GRIN3A: variants seen among roughly 807,000 people sequenced by gnomAD.
The protein encoded by GRIN3A is glutamate ionotropic receptor NMDA type subunit 3A, also known as glutamate receptor ionotropic, NMDA 3A.
GRIN3A carries 47 observed loss-of-function variants against 92.4 expected under a neutral mutation model. That is an observed-to-expected ratio of 0.51 (90% confidence interval 0.40 to 0.65). GRIN3A has a LOEUF of 0.65. GRIN3A is among the 30% of genes least tolerant of loss of function. The probability of loss-of-function intolerance (pLI) is 0.00; values close to 1 mark genes in which losing one functional copy is unlikely to be tolerated. For missense variants in GRIN3A, 1,324 were observed against 1,393.1 expected, an observed-to-expected ratio of 0.95 and a Z score of 0.79; for synonymous variants, 527 against 540.6, an observed-to-expected ratio of 0.97 and a Z score of 0.35.
chr9:101,590,392 A>ATTTT (rs1256564896), intron 6 of GRIN3A, among the ~76,000 whole-genome samples: 11 of 109,022 alleles, frequency 1.0e-4, no homozygotes, highest in Non-Finnish European at 1.8e-4. Context: ...TTATTTATTT[A>ATTTT]TTTTTTTGAG....
rs552316735 is a variant in GRIN3A at position 101,613,347 on chromosome 9, T to C, written c.2766+29A>G. The C allele has an allele frequency of 1.1e-5, 17 of 1,613,248 alleles. No homozygotes were observed. The African/African-American group carries it at 2.1e-4, about 20-fold the overall frequency. On this transcript the variant is annotated intron_variant, in intron 6 of 8. Coordinates refer to ENST00000361820, the MANE Select transcript of GRIN3A (RefSeq NM_133445.3). Reference sequence around the variant, plus strand: ...TTCTCTGAGGTACAGCTATACAACGTGTCACCATTTTCAACAGTCTTTCCA... The same window carrying C: ...TTCTCTGAGGTACAGCTATACAACGCGTCACCATTTTCAACAGTCTTTCCA...
intron 6 of GRIN3A, among the ~76,000 whole-genome samples, chr9:101,608,144 AAGAGC>A (rs1828310907): frequency 6.6e-6 from 1 of 152,110 alleles, no homozygotes; most frequent in Non-Finnish European, 1.5e-5. Flanking sequence ...CCTGAGAAAG[AAGAGC>A]TCTGTGTGTG....
At chr9:101,588,453 C>T (rs1381830729) in intron 6 of GRIN3A, among the ~76,000 whole-genome samples, 2 of 152,154 alleles carry the variant, frequency 1.3e-5, no homozygotes, top group African/African-American at 4.8e-5. Flanking sequence ...AGATGCTTCT[C>T]TCTCCCTGTT....
intron 2 of GRIN3A, among the ~76,000 whole-genome samples, chr9:101,685,308 C>CTTTTTTTTT (rs35028586): frequency 8.7e-6 from 1 of 115,228 alleles, no homozygotes; most frequent in African/African-American, 3.2e-5. Context: ...TTTATCATGT[C>CTTTTTTTTT]TTTTTTTTTT....
chr9:101,680,385 G>T (rs1477976123), intron 2 of GRIN3A, among the ~76,000 whole-genome samples: 3 of 152,072 alleles, frequency 2.0e-5, no homozygotes, highest in Admixed American at 6.6e-5. Flanking sequence ...CACATAATAG[G>T]TTCTTAAGAA....
Position 101,650,676 on chromosome 9 carries a change from CTGA to C in GRIN3A, c.2352+19381_2352+19383del, listed in dbSNP as rs372689018. 4.9e-3 allele frequency among the ~76,000 whole-genome samples: 742 copies of C among 152,132 alleles called. 5 individuals are homozygous for C. Among genetic ancestry groups the C allele is most frequent in the African/African-American group, 0.016 (680 of 41,536 alleles). On this transcript the variant is annotated intron_variant, in intron 3 of 8. Transcript: ENST00000361820. ...GCAATATTATCATAGAAATAGGTGA[CTGA>C]TACAGTGGTAACAACTATACGTGAG...
rs564430740 is a variant in GRIN3A, at chr9:101,607,496, A to C, written c.2766+5880T>G. ...TGTCAGGGGCACCTGTTGGGAGGGGAACCATCCGGAGTATATACCCGGTTC... is the reference window on the plus strand; with the variant it reads ...TGTCAGGGGCACCTGTTGGGAGGGGCACCATCCGGAGTATATACCCGGTTC... On this transcript the variant is annotated intron_variant, in intron 6 of 8. Transcript: ENST00000361820. Among the ~76,000 whole-genome samples the C allele has an allele frequency of 7.9e-5, 12 of 152,266 alleles. No homozygotes were observed. In the East Asian group the frequency reaches 2.1e-3, roughly 27 times the overall value.
chr9:101,643,668 C>T (rs1210196843), intron 3 of GRIN3A, among the ~76,000 whole-genome samples: 3 of 151,410 alleles, frequency 2.0e-5, no homozygotes, highest in African/African-American at 7.3e-5. Flanking sequence ...CTCTCTCTCT[C>T]TCTCTCTCTC....
intron 2 of GRIN3A, among the ~76,000 whole-genome samples, chr9:101,675,721 A>G (rs899817897): frequency 3.3e-5 from 5 of 151,912 alleles, no homozygotes; most frequent in East Asian, 1.9e-4. Flanking sequence ...TATTTTTCAC[A>G]TATAAAAATC....
chr9:101,577,959 A>ACCC, intron 7 of GRIN3A, 115 bp from the exon 8 acceptor site: 1 of 759,660 alleles, frequency 1.3e-6, no homozygotes, highest in Non-Finnish European at 2.3e-6. Context: ...TGGCCTCTTT[A>ACCC]AACAAATTCC....
intron 1 of GRIN3A, among the ~76,000 whole-genome samples, chr9:101,724,079 G>C (rs565411355): frequency 1.3e-5 from 2 of 152,352 alleles, no homozygotes; most frequent in South Asian, 2.1e-4. Flanking sequence ...CGGGGCTGCA[G>C]GTGGAGCTGC....
intron 3 of GRIN3A, among the ~76,000 whole-genome samples, chr9:101,659,158 A>T (rs569169120): frequency 6.6e-6 from 1 of 151,846 alleles, no homozygotes; most frequent in Non-Finnish European, 1.5e-5. Flanking sequence ...ACCATCATTA[A>T]CTTAGTTCTC....
rs10989558 is a variant in GRIN3A at position 101,589,981 on chromosome 9, T to A, written c.2767-10621A>T. Among the ~76,000 whole-genome samples, 70 of 152,344 alleles carry A rather than the reference T, an allele frequency of 4.6e-4. No individual in the cohort carries two copies. In the East Asian group the frequency reaches 0.013, roughly 28 times the overall value. ...ACCTCCATATTAGAGTGACCTGCAT[T>A]TCTTTGTAGTAATTTAGGTTTTTAT... On this transcript the variant is annotated intron_variant, in intron 6 of 8. Coordinates refer to ENST00000361820, the MANE Select transcript of GRIN3A (RefSeq NM_133445.3).
At chr9:101,676,917 T>C (rs1829404784) in intron 2 of GRIN3A, among the ~76,000 whole-genome samples, 1 of 151,900 alleles carries the variant, frequency 6.6e-6, no homozygotes, top group African/African-American at 2.4e-5. Context: ...AGTAATCCTA[T>C]CTTTTCTTAA....
intron 1 of GRIN3A, among the ~76,000 whole-genome samples, chr9:101,700,778 A>G (rs1041524680): frequency 2.6e-5 from 4 of 152,176 alleles, no homozygotes; most frequent in Admixed American, 2.6e-4. Context: ...CATAACTGAA[A>G]TTTCAGTAAT....
chr9:101,708,717 G>A (rs1015471113), intron 1 of GRIN3A, among the ~76,000 whole-genome samples: 1 of 152,142 alleles, frequency 6.6e-6, no homozygotes, highest in African/African-American at 2.4e-5. Context: ...TTTGTCTTAT[G>A]CGTTTCTATG....
intron 8 of GRIN3A, among the ~76,000 whole-genome samples, chr9:101,574,308 G>T (rs1827799614): frequency 6.6e-6 from 1 of 152,166 alleles, no homozygotes; most frequent in African/African-American, 2.4e-5. Flanking sequence ...AATACACTTT[G>T]ATACTTATGA....
intron 5 of GRIN3A, 37 bp downstream of exon 5, chr9:101,623,281 C>A: frequency 7.1e-7 from 1 of 1,409,652 alleles, no homozygotes; most frequent in Non-Finnish European, 1.0e-6. Flanking sequence ...CTGAGCACAT[C>A]CTGAGTAAAA....
intron 6 of GRIN3A, among the ~76,000 whole-genome samples, chr9:101,597,955 A>T (rs939254607): frequency 3.2e-4 from 48 of 152,338 alleles, no homozygotes; most frequent in African/African-American, 1.1e-3. Context: ...CTTATGTTAT[A>T]GGCTCATGAG....
Sources: gnomAD v4.1 joint callset for allele counts (sites outside exome capture counted in the v4.1 genomes callset) on GRCh38, gnomAD v4.1.1 for gene constraint, MANE v1.5 for transcripts, NCBI Gene and HGNC (gene_info 2026-07-23, HGNC 2026-07-21) for gene names.